Variants in ME3 observed in about 807,000 individuals in gnomAD.
ME3 encodes the protein malic enzyme 3.
ME3 carries 48 observed loss-of-function variants against 68.9 expected under a neutral mutation model. The observed-to-expected ratio is 0.70, with a 90% CI of 0.55 to 0.89. ME3 has a LOEUF of 0.89. ME3 is among the 40% of genes least tolerant of loss of function. The pLI, the probability that ME3 is intolerant of heterozygous loss-of-function variation, is 0.00. For missense variants in ME3, 675 were observed against 797.4 expected, an observed-to-expected ratio of 0.85 and a Z score of 1.85; for synonymous variants, 320 against 318.8, an observed-to-expected ratio of 1.00 and a Z score of -0.04.
chr11:86,485,128 G>A (rs1349467813), intron 7 of ME3, among the ~76,000 whole-genome samples: 1 of 152,206 alleles, frequency 6.6e-6, no homozygotes, highest in Non-Finnish European at 1.5e-5. Context: ...GAGCTGAAAA[G>A]TGCTTCCTTT....
chr11:86,510,463 CT>C (rs943469108), intron 4 of ME3, among the ~76,000 whole-genome samples: 8 of 152,204 alleles, frequency 5.3e-5, no homozygotes, highest in South Asian at 2.1e-4. Context: ...TACTATGCCA[CT>C]TTTTTTCTTA....
intron 2 of ME3, among the ~76,000 whole-genome samples, chr11:86,627,819 G>C (rs1323617431): frequency 1.3e-5 from 2 of 152,174 alleles, no homozygotes; most frequent in African/African-American, 4.8e-5. Context: ...CTGAATGTGG[G>C]GCAAGAGGCC....
intron 2 of ME3, among the ~76,000 whole-genome samples, chr11:86,622,403 G>GT (rs1943403387): frequency 6.6e-6 from 1 of 151,832 alleles, no homozygotes; most frequent in African/African-American, 2.4e-5. Context: ...AAAAAAAGTT[G>GT]TTTGCTGCTC....
At chr11:86,553,641 C>T (rs1452438728) in intron 4 of ME3, among the ~76,000 whole-genome samples, 1 of 152,178 alleles carries the variant, frequency 6.6e-6, no homozygotes, top group African/African-American at 2.4e-5. Context: ...ACAACGTATT[C>T]GAGAAGTCTG....
At chr11:86,670,303 A>C (rs752498153) in intron 2 of ME3, among the ~76,000 whole-genome samples, 4 of 152,230 alleles carry the variant, frequency 2.6e-5, no homozygotes, top group Non-Finnish European at 5.9e-5. Flanking sequence ...GAAGTGAGAG[A>C]CTTCACTGAA....
chr11:86,580,481 G>T (rs928431775), intron 2 of ME3, among the ~76,000 whole-genome samples: 1 of 152,144 alleles, frequency 6.6e-6, no homozygotes, highest in African/African-American at 2.4e-5. Flanking sequence ...GGTCATCATT[G>T]AATAGTATGG....
chr11:86,645,251 G>A (rs1944923981), intron 2 of ME3, among the ~76,000 whole-genome samples: 1 of 152,162 alleles, frequency 6.6e-6, no homozygotes, highest in Non-Finnish European at 1.5e-5. Flanking sequence ...AAGCCAGGGA[G>A]CCAAGTGGTC....
At chr11:86,523,951 T>C (rs1954529960) in intron 4 of ME3, among the ~76,000 whole-genome samples, 1 of 152,230 alleles carries the variant, frequency 6.6e-6, no homozygotes, top group African/African-American at 2.4e-5. Context: ...AGCTGTTACT[T>C]AGAATATTAA....
At chr11:86,488,303 C>T (rs1594150231) in intron 6 of ME3, among the ~76,000 whole-genome samples, 1 of 152,172 alleles carries the variant, frequency 6.6e-6, no homozygotes, top group Admixed American at 6.5e-5. Flanking sequence ...AGTATTGGGT[C>T]GCATCCAGAG....
At chr11:86,606,663 T>C (rs980597713) in intron 2 of ME3, among the ~76,000 whole-genome samples, 5 of 152,206 alleles carry the variant, frequency 3.3e-5, no homozygotes, top group South Asian at 2.1e-4. Context: ...AAATCCTTCA[T>C]TGCATACTGG....
chr11:86,592,513 A>G (rs1959121840), intron 2 of ME3, among the ~76,000 whole-genome samples: 1 of 152,176 alleles, frequency 6.6e-6, no homozygotes, highest in African/African-American at 2.4e-5. Context: ...TCATTACTAC[A>G]TCTGAGGGGA....
chr11:86,447,311 G>A, intron 11 of ME3, 104 bp from the exon 12 acceptor site: 1 of 1,456,564 alleles, frequency 6.9e-7, no homozygotes, highest in East Asian at 2.3e-5. Flanking sequence ...GAAAGACTCG[G>A]TCTTGGGCCC....
At chr11:86,498,968 T>C (rs1952544099) in intron 5 of ME3, among the ~76,000 whole-genome samples, 1 of 152,060 alleles carries the variant, frequency 6.6e-6, no homozygotes, top group Non-Finnish European at 1.5e-5. Flanking sequence ...ATTAATGGGC[T>C]AAAGGAGAGA....
At chr11:86,618,638 A>C (rs1943141701) in intron 2 of ME3, among the ~76,000 whole-genome samples, 1 of 151,862 alleles carries the variant, frequency 6.6e-6, no homozygotes, top group Non-Finnish European at 1.5e-5. Context: ...GCCTGGTGCC[A>C]GGTGTTTAGC....
At chr11:86,628,834 T>A (rs1448818966) in intron 2 of ME3, among the ~76,000 whole-genome samples, 1 of 152,134 alleles carries the variant, frequency 6.6e-6, no homozygotes, top group Non-Finnish European at 1.5e-5. Flanking sequence ...AGTTTTATAG[T>A]CCTCATTACA....
intron 5 of ME3, among the ~76,000 whole-genome samples, chr11:86,500,145 C>T (rs2051434): frequency 0.21 from 32,391 of 152,198 alleles, 4,245 homozygotes; most frequent in Non-Finnish European, 0.3. Context: ...CTCATGCTGC[C>T]TCTGGGTGTC....
intron 2 of ME3, among the ~76,000 whole-genome samples, chr11:86,591,985 T>C (rs1959090478): frequency 6.6e-6 from 1 of 152,166 alleles, no homozygotes; most frequent in African/African-American, 2.4e-5. Context: ...AGCCACCTAG[T>C]CTGCAGTGTT....
At chr11:86,522,458 C>G (rs1046175952) in intron 4 of ME3, among the ~76,000 whole-genome samples, 1 of 151,150 alleles carries the variant, frequency 6.6e-6, no homozygotes, top group Non-Finnish European at 1.5e-5. Flanking sequence ...ACCTGTCAAC[C>G]TGTCATCTAG....
intron 4 of ME3, among the ~76,000 whole-genome samples, chr11:86,523,927 G>A (rs575407231): frequency 6.6e-6 from 1 of 152,310 alleles, no homozygotes; most frequent in South Asian, 2.1e-4. Flanking sequence ...AACAGAGAAA[G>A]TTAATGTAGT....
Sources: allele counts gnomAD v4.1 joint callset (sites outside exome capture counted in the v4.1 genomes callset), GRCh38; gene constraint gnomAD v4.1.1; transcripts MANE v1.5; gene names NCBI Gene and HGNC (gene_info 2026-07-23, HGNC 2026-07-21).